The following CCDC158 variants were observed in gnomAD, a reference collection of about 807,000 sequenced individuals.
CCDC158 encodes coiled-coil domain-containing protein 158.
CCDC158 carries 116 observed loss-of-function variants against 138.6 expected under a neutral mutation model. That is an observed-to-expected ratio of 0.84 (90% CI 0.72 to 0.98). The LOEUF is 0.98. CCDC158 is among the 50% of genes least tolerant of loss of function. The pLI is 0.00. For synonymous variants in CCDC158, 436 were observed against 442.4 expected, an observed-to-expected ratio of 0.99 and a Z score of 0.18; for missense variants, 1,265 against 1,306.1, an observed-to-expected ratio of 0.97 and a Z score of 0.48.
intron 9 of CCDC158, chr4:76,375,658 C>T (rs1184664735): frequency 4.3e-6 from 3 of 700,812 alleles, no homozygotes; most frequent in Admixed American, 2.0e-5. Flanking sequence ...CCAATAGTGA[C>T]AGCTTCTACT....
intron 24 of CCDC158, among the ~76,000 whole-genome samples, chr4:76,322,044 A>C (rs1034166840): frequency 6.6e-6 from 1 of 151,884 alleles, no homozygotes; most frequent in Non-Finnish European, 1.5e-5. Flanking sequence ...GATACATCAT[A>C]TACTGCTTGG....
intron 1 of CCDC158, among the ~76,000 whole-genome samples, chr4:76,419,263 G>A (rs1026917705): frequency 1.3e-5 from 2 of 152,064 alleles, no homozygotes; most frequent in Non-Finnish European, 2.9e-5. Context: ...AGGATTTACA[G>A]GATTCAGATA....
chr4:76,361,344 C>T (rs7663565), intron 13 of CCDC158, among the ~76,000 whole-genome samples: 1,649 of 152,232 alleles, frequency 0.011, 28 homozygotes, highest in African/African-American at 0.038. Flanking sequence ...AGGTGGATCA[C>T]GAGGTCAGGA....
chr4:76,367,234 A>G, intron 12 of CCDC158, 60 bp downstream of exon 12: 1 of 1,541,816 alleles, frequency 6.5e-7, no homozygotes, highest in Non-Finnish European at 8.7e-7. Context: ...TTTTCAGTAC[A>G]GGTCATACCT....
rs142066336 is a variant in CCDC158 at position 76,345,364 on chromosome 4, G to A, written c.2664+5632C>T. 739 of 1,083,506 alleles carry A rather than the reference G, an allele frequency of 6.8e-4. 3 individuals carry two copies. The African/African-American group carries it at 9.2e-3, about 13-fold the overall frequency. The allele number at this position is 1,083,506 out of a possible 1,614,324, so 67.1% of individuals were successfully genotyped here. A position where few individuals can be genotyped will look rare whatever the true frequency, so the allele number is the denominator to read the frequency against. Reference sequence around the variant, plus strand: ...TCAAACAAAGCTCTGGATAAGGCCCGGTTAAAGAGCAAAGACGTCAAATTG... The same window carrying A: ...TCAAACAAAGCTCTGGATAAGGCCCAGTTAAAGAGCAAAGACGTCAAATTG... On this transcript the variant is annotated intron_variant, in intron 18 of 24. Transcript: ENST00000682701.
At chr4:76,328,462 C>T (rs2110093406) in intron 22 of CCDC158, among the ~76,000 whole-genome samples, 1 of 152,264 alleles carries the variant, frequency 6.6e-6, no homozygotes, top group East Asian at 1.9e-4. Flanking sequence ...TTTTAATTTA[C>T]TTTTAGAGAC....
At position 76,362,269 on chromosome 4, in the gene CCDC158, C is replaced by G. The variant is rs1031448915; in HGVS notation, c.1877G>C (p.Arg626Thr). Residue 626 changes from arginine to threonine, a missense_variant, in exon 13 of 25, where the codon AGA (arginine) becomes ACA (threonine). Physicochemically the swap from Arg to Thr is moderately conservative, Grantham distance 71 (BLOSUM62 -1). Coordinates refer to ENST00000682701, the MANE Select transcript of CCDC158 (RefSeq NM_001394954.1). ...CTTTTCCAGCTCCAAGTCACTCACT[C>G]TGGCCTCAAGCTCCCGGATCTTTGC... Reference protein sequence around the residue: ...KDAKIRELEARVSDLELEKVK... With the variant: ...KDAKIRELEATVSDLELEKVK... The G allele has an allele frequency of 6.2e-7, 1 of 1,614,000 alleles. No homozygotes were observed.
chr4:76,366,843 G>C (rs1041018671), intron 12 of CCDC158, among the ~76,000 whole-genome samples: 24 of 152,214 alleles, frequency 1.6e-4, no homozygotes, highest in African/African-American at 5.8e-4. Flanking sequence ...TATACTTTCT[G>C]ATTTAAGCCT....
Position 76,355,385 on chromosome 4 carries a change from T to A in CCDC158, c.2225A>T (p.Gln742Leu), listed in dbSNP as rs1723445978. Residue 742 changes from glutamine (Q) to leucine (L), a missense_variant, in exon 15 of 25, where the codon CAG becomes CTG. Transcript: ENST00000682701. ...TATCTTGCTCTGAAGGGCATCTATCTGACCTCTTTTGGCTGTGATTTGCTT... is the reference window on the plus strand; with the variant it reads ...TATCTTGCTCTGAAGGGCATCTATCAGACCTCTTTTGGCTGTGATTTGCTT... The part of the protein sequence containing the change: ...MQKQITAKRG[Q>L]IDALQSKIQF... 1.2e-6 allele frequency: 2 copies of A among 1,614,018 alleles called. No individual in the cohort carries two copies. Among genetic ancestry groups the A allele is most frequent in the Non-Finnish European group, 8.5e-7 (1 of 1,179,962 alleles).
At chr4:76,401,027 A>G (rs1026719605) in intron 3 of CCDC158, among the ~76,000 whole-genome samples, 1 of 152,174 alleles carries the variant, frequency 6.6e-6, no homozygotes, top group Non-Finnish European at 1.5e-5. Flanking sequence ...TTTAAAAAAA[A>G]CCCAGCGGTG....
Position 76,401,617 on chromosome 4 carries a change from G to A in CCDC158, c.70+1521C>T, listed in dbSNP as rs116472742. 3.9e-3 allele frequency: 609 copies of A among 156,540 alleles called. 3 individuals are homozygous for A. Among genetic ancestry groups the A allele is most frequent in the African/African-American group, 0.014 (577 of 41,570 alleles). The allele number at this position is 156,540 out of a possible 1,614,324, so 9.7% of individuals were successfully genotyped here. A position where few individuals can be genotyped will look rare whatever the true frequency, so the allele number is the denominator to read the frequency against. Reference sequence around the variant, plus strand: ...GAAGACAATAAAATCTTGAGTTTATGTTAAAAAATAAAAGACAGGAGGTTG... The same window carrying A: ...GAAGACAATAAAATCTTGAGTTTATATTAAAAAATAAAAGACAGGAGGTTG... On this transcript the variant is annotated intron_variant, in intron 3 of 24. Transcript: ENST00000682701.
At position 76,357,491 on chromosome 4, in the gene CCDC158, T is replaced by C. The variant is rs1186176484; in HGVS notation, c.2056A>G (p.Lys686Glu). 1 of 1,600,464 alleles carries C rather than the reference T, an allele frequency of 6.2e-7. No individual in the cohort carries two copies. The highest frequency in any genetic ancestry group is 1.7e-5 in the Admixed American group (1 of 58,506). The change falls in exon 14 of 25, where the codon AAA becomes GAA. Residue 686 changes from lysine to glutamate, a missense_variant. Transcript: ENST00000682701. ...GTAGTCATTTCCATTTCTTCACTTT[T>C]GTTTCGGAAATTCCTTTTTAAGACT... Reference protein sequence around the residue: ...YEVLKRNFRNKSEEMEMTTNK... With the variant: ...YEVLKRNFRNESEEMEMTTNK...
Position 76,402,908 on chromosome 4 carries a change from T to C in CCDC158, c.70+230A>G, listed in dbSNP as rs145080536. On this transcript the variant is annotated intron_variant, in intron 3 of 24. Coordinates refer to ENST00000682701, the MANE Select transcript of CCDC158 (RefSeq NM_001394954.1). ...GAAGGCATTAGGGAGGCATGGGGCA[T>C]GTTGAGGCTGAAGTACTTCAATGTA... is the stretch of plus-strand genomic sequence containing the variant. 1.6e-3 allele frequency among the ~76,000 whole-genome samples: 239 copies of C among 152,306 alleles called. 2 individuals are homozygous for C. The highest frequency in any genetic ancestry group is 5.4e-3 in the African/African-American group (226 of 41,566).
intron 11 of CCDC158, 61 bp downstream of exon 11, chr4:76,369,365 A>T: frequency 6.6e-7 from 1 of 1,510,100 alleles, no homozygotes; most frequent in Non-Finnish European, 9.0e-7. Context: ...ATTTAGACAT[A>T]AAATATTTAT....
intron 4 of CCDC158, among the ~76,000 whole-genome samples, chr4:76,395,075 T>C (rs1727653798): frequency 6.6e-6 from 1 of 152,166 alleles, no homozygotes; most frequent in South Asian, 2.1e-4. Flanking sequence ...GATTTAACAC[T>C]TATTTATTGA....
intron 8 of CCDC158, among the ~76,000 whole-genome samples, chr4:76,380,371 G>A (rs557075125): frequency 1.3e-5 from 2 of 152,174 alleles, no homozygotes; most frequent in Non-Finnish European, 2.9e-5. Context: ...AACTTCTTGG[G>A]AACTGGAGTA....
intron 18 of CCDC158, among the ~76,000 whole-genome samples, chr4:76,342,935 A>C (rs1449041780): frequency 6.6e-6 from 1 of 152,174 alleles, no homozygotes; most frequent in Admixed American, 6.5e-5. Context: ...GGATTGGCTA[A>C]GTCTATAGGA....
At chr4:76,416,303 G>C (rs569220573) in intron 1 of CCDC158, among the ~76,000 whole-genome samples, 1 of 152,074 alleles carries the variant, frequency 6.6e-6, no homozygotes, top group Non-Finnish European at 1.5e-5. Flanking sequence ...TGGCATTTGG[G>C]GCCACTACCG....
chr4:76,327,005 C>T (rs1166808605), intron 22 of CCDC158, among the ~76,000 whole-genome samples: 1 of 151,850 alleles, frequency 6.6e-6, no homozygotes, highest in Admixed American at 6.5e-5. Context: ...TTTTATAATT[C>T]ATATTTTTAA....
Sources: allele counts gnomAD v4.1 joint callset (sites outside exome capture counted in the v4.1 genomes callset), GRCh38; gene constraint gnomAD v4.1.1; transcripts MANE v1.5; gene names NCBI Gene and HGNC (gene_info 2026-07-23, HGNC 2026-07-21).